LCOR: variants seen among roughly 807,000 people sequenced by gnomAD.
LCOR encodes ligand-dependent corepressor.
Under a neutral mutation model 64.4 loss-of-function variants are expected in LCOR, and 14 were observed. The observed-to-expected ratio is 0.22, with a 90% CI of 0.14 to 0.34. The LOEUF (loss-of-function observed/expected upper bound fraction) is 0.34. Ranked by LOEUF, LCOR falls within the 10% of genes least tolerant of loss-of-function variation. The probability of loss-of-function intolerance (pLI) is 1.00; values close to 1 mark genes in which losing one functional copy is unlikely to be tolerated. For synonymous variants in LCOR, 643 were observed against 642.5 expected (o/e 1.00, Z -0.01); for missense variants, 1,686 against 1,765.3 (o/e 0.96, Z 0.80).
intron 4 of LCOR, among the ~76,000 whole-genome samples, chr10:96,912,887 C>CTGTT (rs141566242): frequency 0.049 from 7,422 of 151,990 alleles, 611 homozygotes; most frequent in African/African-American, 0.17. Context: ...TCTTTTCTCC[C>CTGTT]TATGTTGTTG....
At chr10:96,840,107 A>G (rs1845514131) in intron 2 of LCOR, among the ~76,000 whole-genome samples, 1 of 152,214 alleles carries the variant, frequency 6.6e-6, no homozygotes, top group African/African-American at 2.4e-5. Flanking sequence ...TGTCAGGTAT[A>G]ATGATGTCTT....
chr10:96,900,908 G>T (rs191928178), intron 2 of LCOR, among the ~76,000 whole-genome samples: 107 of 147,558 alleles, frequency 7.3e-4, no homozygotes, highest in African/African-American at 2.2e-3. Context: ...AGATGGGGTC[G>T]GCCGGGCGCA....
intron 2 of LCOR, among the ~76,000 whole-genome samples, chr10:96,901,714 C>G (rs947956107): frequency 3.3e-5 from 5 of 152,174 alleles, no homozygotes; most frequent in Admixed American, 1.3e-4. Context: ...TTTGACACTT[C>G]ACTATACAAT....
intron 4 of LCOR, among the ~76,000 whole-genome samples, chr10:96,929,703 G>A (rs1211429411): frequency 1.3e-5 from 2 of 152,124 alleles, no homozygotes; most frequent in African/African-American, 2.4e-5. Context: ...CCTATGTTTT[G>A]ACCTGTCAGC....
At chr10:96,946,763 T>C (rs1319508914) in intron 5 of LCOR, among the ~76,000 whole-genome samples, 14 of 152,134 alleles carry the variant, frequency 9.2e-5, no homozygotes, top group Admixed American at 9.2e-4. Flanking sequence ...AGAGACAAGA[T>C]ACTGCAGACA....
At chr10:96,947,254 C>A (rs1224021713) in intron 5 of LCOR, among the ~76,000 whole-genome samples, 1 of 151,890 alleles carries the variant, frequency 6.6e-6, no homozygotes, top group African/African-American at 2.4e-5. Context: ...TATAAATACT[C>A]CTTAGTGTGA....
In LCOR at chr10:96,991,393, T is replaced by C. The variant is rs1438821784; in HGVS notation, c.*6259T>C. On this transcript the variant is annotated 3_prime_UTR_variant, in exon 8 of 8. Coordinates refer to ENST00000421806, the MANE Select transcript of LCOR (RefSeq NM_001346516.2). The stretch of plus-strand genomic sequence containing the variant: ...TGTAGTGAAAACTAAAAGTGCAGTC[T>C]TTAAAAGTACAGTCTTCATTTTTAT... 3 of 152,280 alleles carry C rather than the reference T, an allele frequency of 2.0e-5. No homozygotes were observed. The South Asian group carries it at 6.2e-4, about 32-fold the overall frequency. The allele number at this position is 152,280 out of a possible 1,614,324, so 9.4% of individuals were successfully genotyped here.
At chr10:96,840,160 A>G (rs368077750) in intron 2 of LCOR, among the ~76,000 whole-genome samples, 30 of 152,338 alleles carry the variant, frequency 2.0e-4, no homozygotes, top group African/African-American at 7.0e-4. Flanking sequence ...GGCCGAATTT[A>G]AGAATCTTTT....
At chr10:96,908,341 C>T (rs1161364437) in intron 4 of LCOR, among the ~76,000 whole-genome samples, 1 of 152,140 alleles carries the variant, frequency 6.6e-6, no homozygotes, top group Non-Finnish European at 1.5e-5. Context: ...TTAATTGTCT[C>T]AAACTGTTGT....
At chr10:96,898,028 T>A (rs1357297812) in intron 2 of LCOR, among the ~76,000 whole-genome samples, 1 of 152,174 alleles carries the variant, frequency 6.6e-6, no homozygotes, top group African/African-American at 2.4e-5. Flanking sequence ...AAGAGTGTGT[T>A]TGCATTCATC....
chr10:96,857,923 GTCT>G (rs1293840169), intron 2 of LCOR, among the ~76,000 whole-genome samples: 1 of 152,100 alleles, frequency 6.6e-6, no homozygotes, highest in African/African-American at 2.4e-5. Context: ...AACCCCTGAA[GTCT>G]TCTTACCATA....
intron 1 of LCOR, among the ~76,000 whole-genome samples, chr10:96,832,714 C>T (rs2134351872): frequency 6.6e-6 from 1 of 151,204 alleles, no homozygotes; most frequent in African/African-American, 2.4e-5. Context: ...CCCGCTCCCG[C>T]CCCTGCTCCC....
At chr10:96,971,009 C>T (rs923923990) in intron 7 of LCOR, among the ~76,000 whole-genome samples, 4 of 152,178 alleles carry the variant, frequency 2.6e-5, no homozygotes, top group Non-Finnish European at 4.4e-5. Context: ...CATCATCATA[C>T]ATATATACAT....
Position 96,982,528 on chromosome 10 carries a change from C to T in LCOR, c.2068C>T (p.His690Tyr). 1 of 1,614,164 alleles carries T rather than the reference C, an allele frequency of 6.2e-7. No individual in the cohort carries two copies. The highest frequency in any genetic ancestry group is 1.1e-5 in the South Asian group (1 of 91,086). ...GVSEDVISRPHSPPEIVSREE... is the reference protein window; with the variant it reads ...GVSEDVISRPYSPPEIVSREE... ...CAGTGAAGATGTCATTTCTAGGCCT[C>T]ATTCTCCTCCTGAAATAGTCAGTAG... The change falls in exon 8 of 8, where the codon CAT (histidine) becomes TAT (tyrosine). Residue 690 changes from histidine to tyrosine, a missense_variant. His to Tyr is a moderately conservative substitution (Grantham distance 83, BLOSUM62 2). Around this residue, in one of 3 missense-constraint regions of LCOR, gnomAD observed 1,293 missense variants for 1,410.4 expected, o/e 0.92. Coordinates refer to ENST00000421806, the MANE Select transcript of LCOR (RefSeq NM_001346516.2).
intron 5 of LCOR, among the ~76,000 whole-genome samples, chr10:96,947,282 G>A (rs1847605108): frequency 6.6e-6 from 1 of 151,984 alleles, no homozygotes; most frequent in African/African-American, 2.4e-5. Flanking sequence ...GTTATTACTA[G>A]TAGAGTAAGC....
At chr10:96,877,092 A>C (rs542906766) in intron 2 of LCOR, among the ~76,000 whole-genome samples, 14 of 152,328 alleles carry the variant, frequency 9.2e-5, no homozygotes, top group Admixed American at 1.3e-4. Context: ...GTATTGGCTA[A>C]GTTGAGGCAT....
chr10:96,903,694 C>T (rs1425606499), intron 2 of LCOR, among the ~76,000 whole-genome samples: 1 of 152,078 alleles, frequency 6.6e-6, no homozygotes, highest in Non-Finnish European at 1.5e-5. Flanking sequence ...CTTTTTATAA[C>T]CTGTTTTCCC....
intron 2 of LCOR, among the ~76,000 whole-genome samples, chr10:96,871,203 T>C (rs1318672859): frequency 6.6e-6 from 1 of 150,602 alleles, no homozygotes; most frequent in East Asian, 1.9e-4. Flanking sequence ...CTTACAGGCA[T>C]GTGCCACACC....
At chr10:96,899,696 CTAA>C (rs1846600762) in intron 2 of LCOR, among the ~76,000 whole-genome samples, 1 of 151,918 alleles carries the variant, frequency 6.6e-6, no homozygotes, top group Non-Finnish European at 1.5e-5. Flanking sequence ...TCTTGTAAAT[CTAA>C]TAATTTAAAA....
Sources: allele counts gnomAD v4.1 joint callset (sites outside exome capture counted in the v4.1 genomes callset), GRCh38; gene constraint gnomAD v4.1.1; regional missense constraint gnomAD v4.1.1; transcripts MANE v1.5; gene names NCBI Gene and HGNC (gene_info 2026-07-23, HGNC 2026-07-21).